SHISAL1: variants seen among roughly 807,000 people sequenced by gnomAD.
The protein encoded by SHISAL1 is protein shisa-like-1.
Under a neutral mutation model 22.6 loss-of-function variants are expected in SHISAL1, and 9 were observed. That is an observed-to-expected ratio of 0.40 (90% confidence interval 0.24 to 0.70). SHISAL1 has a LOEUF of 0.70. Among genes scored for constraint, SHISAL1 ranks in the 30% least tolerant of loss-of-function variants. SHISAL1 has a pLI of 0.39. For missense variants in SHISAL1, 246 were observed against 270.6 expected (o/e 0.91, Z 0.64); for synonymous variants, 119 against 115.4 (o/e 1.03, Z -0.20).
intron 3 of SHISAL1, among the ~76,000 whole-genome samples, chr22:44,293,518 G>A (rs1302063560): frequency 4.6e-5 from 7 of 152,184 alleles, no homozygotes; most frequent in African/African-American, 1.7e-4. Flanking sequence ...CCTGGCCCCA[G>A]ATGTCAGTGG....
At chr22:44,255,815 A>G (rs1376798476) in intron 4 of SHISAL1, among the ~76,000 whole-genome samples, 1 of 151,892 alleles carries the variant, frequency 6.6e-6, no homozygotes, top group Non-Finnish European at 1.5e-5. Context: ...TTTCATTTTC[A>G]TTCTCTCCAC....
At chr22:44,266,525 GGTAT>G (rs1555926280) in intron 4 of SHISAL1, among the ~76,000 whole-genome samples, 40 of 45,650 alleles carry the variant, frequency 8.8e-4, no homozygotes, top group African/African-American at 2.9e-3. Flanking sequence ...GGGGCTTTGG[GGTAT>G]GTGTGTGTGT....
At chr22:44,269,675 C>T in intron 4 of SHISAL1, among the ~76,000 whole-genome samples, 1 of 151,000 alleles carries the variant, frequency 6.6e-6, no homozygotes, top group Non-Finnish European at 1.5e-5. Context: ...TAGACCCACA[C>T]AATATACACA....
intron 1 of SHISAL1, among the ~76,000 whole-genome samples, chr22:44,309,895 T>C (rs545656819): frequency 6.6e-6 from 1 of 152,380 alleles, no homozygotes; most frequent in African/African-American, 2.4e-5. Context: ...CACGCCTGCA[T>C]ATGAAGTGAG....
intron 4 of SHISAL1, among the ~76,000 whole-genome samples, chr22:44,254,787 T>C (rs2055072931): frequency 7.5e-6 from 1 of 133,968 alleles, no homozygotes; most frequent in African/African-American, 3.0e-5. Flanking sequence ...GCAGGAGATA[T>C]AATATGTAGA....
chr22:44,293,053 C>G lies in SHISAL1; in HGVS notation c.281+3619G>C, dbSNP rs149147526. Among the ~76,000 whole-genome samples the G allele has an allele frequency of 9.9e-4, 151 of 152,320 alleles. 2 individuals are homozygous for G. The East Asian group carries it at 0.026, about 26-fold the overall frequency. ...CAGGGCCCCGGACCCCCTGCCTCCA[C>G]CAGCTCTTTATTCCCCGCTTCCCCT... is the stretch of plus-strand genomic sequence containing the variant. On this transcript the variant is annotated intron_variant, in intron 3 of 4. Coordinates refer to ENST00000381176, the MANE Select transcript of SHISAL1 (RefSeq NM_001099294.2).
chr22:44,325,210 T>A, the SHISAL1 span, among the ~76,000 whole-genome samples: 3 of 147,210 alleles, frequency 2.0e-5, no homozygotes, highest in African/African-American at 7.6e-5. Flanking sequence ...GCAACTGCAC[T>A]CCAGCCTGGG....
chr22:44,285,375 C>T, intron 4 of SHISAL1, 53 bp downstream of exon 4: 1 of 1,566,000 alleles, frequency 6.4e-7, no homozygotes, highest in Non-Finnish European at 8.8e-7. Flanking sequence ...ATTCTCCAAG[C>T]TCTCCAAAGA....
At chr22:44,329,113 G>A in the SHISAL1 span, among the ~76,000 whole-genome samples, 1 of 152,198 alleles carries the variant, frequency 6.6e-6, no homozygotes, top group Non-Finnish European at 1.5e-5. Context: ...CTGACCTAGG[G>A]ATGCCTCCAG....
At chr22:44,251,540 G>A (rs9614222) in intron 4 of SHISAL1, among the ~76,000 whole-genome samples, 13,162 of 152,206 alleles carry the variant, frequency 0.086, 618 homozygotes, top group East Asian at 0.12. Flanking sequence ...CCAAGGCTGG[G>A]CAACTTACAA....
chr22:44,297,510 G>A (rs1453047843), intron 2 of SHISAL1, among the ~76,000 whole-genome samples: 22 of 152,198 alleles, frequency 1.4e-4, no homozygotes, highest in Admixed American at 1.4e-3. Flanking sequence ...TCGTTCCTTG[G>A]TTTCTACTAA....
chr22:44,317,265 G>A (rs1288685894), upstream of SHISAL1, among the ~76,000 whole-genome samples: 1 of 152,228 alleles, frequency 6.6e-6, no homozygotes, highest in East Asian at 1.9e-4. Flanking sequence ...CCTCTCGAAT[G>A]GATCAGCTGC....
intron 4 of SHISAL1, among the ~76,000 whole-genome samples, chr22:44,263,079 C>CTTTCTTTTTTTTTTTT (rs55901041): frequency 1.1e-5 from 1 of 88,252 alleles, no homozygotes; most frequent in Non-Finnish European, 2.2e-5. Flanking sequence ...TTCTTTCTTT[C>CTTTCTTTTTTTTTTTT]TTTTTTTTTT....
chr22:44,245,137 C>G lies in SHISAL1; in HGVS notation c.*4548G>C, dbSNP rs2054987771. 1 of 152,232 alleles carries G rather than the reference C, an allele frequency of 6.6e-6. No individual in the cohort carries two copies. The highest frequency in any genetic ancestry group is 1.5e-5 in the Non-Finnish European group (1 of 68,060). 9.4% of individuals were successfully genotyped at this position (152,232 alleles called of 1,614,324 possible). A position where few individuals can be genotyped will look rare whatever the true frequency, so the allele number is the denominator to read the frequency against. ...GGGCCAAGCAGACACCCTCTGATGCCCACCACGTGAGCAGGATGATTAAGA... is the reference window on the plus strand; with the variant it reads ...GGGCCAAGCAGACACCCTCTGATGCGCACCACGTGAGCAGGATGATTAAGA... On this transcript the variant is annotated 3_prime_UTR_variant, in exon 5 of 5. Transcript: ENST00000381176.
At chr22:44,284,342 G>A (rs562153452) in intron 4 of SHISAL1, among the ~76,000 whole-genome samples, 3 of 152,012 alleles carry the variant, frequency 2.0e-5, no homozygotes, top group Non-Finnish European at 4.4e-5. Context: ...CACGAGGATC[G>A]GAAGGTTAAG....
chr22:44,292,007 T>A (rs1247525112), intron 3 of SHISAL1, among the ~76,000 whole-genome samples: 3 of 152,186 alleles, frequency 2.0e-5, no homozygotes, highest in African/African-American at 7.2e-5. Context: ...CATCTCGCCG[T>A]GGTAGTGGGC....
At chr22:44,302,518 G>A (rs951898285) in intron 1 of SHISAL1, among the ~76,000 whole-genome samples, 2 of 152,368 alleles carry the variant, frequency 1.3e-5, no homozygotes, top group South Asian at 4.1e-4. Flanking sequence ...GTGGTAAGGA[G>A]GGCCTCTCTG....
At chr22:44,327,774 C>T in the SHISAL1 span, among the ~76,000 whole-genome samples, 21 of 152,160 alleles carry the variant, frequency 1.4e-4, no homozygotes, top group Non-Finnish European at 3.1e-4. Context: ...GAATGGGTGT[C>T]CCCTGGTGTC....
At chr22:44,263,079 C>CTTTCTTTTTTTTTTT (rs55901041) in intron 4 of SHISAL1, among the ~76,000 whole-genome samples, 11 of 88,254 alleles carry the variant, frequency 1.2e-4, no homozygotes, top group Non-Finnish European at 2.2e-4. Flanking sequence ...TTCTTTCTTT[C>CTTTCTTTTTTTTTTT]TTTTTTTTTT....
Sources: allele counts gnomAD v4.1 joint callset (sites outside exome capture counted in the v4.1 genomes callset), GRCh38; gene constraint gnomAD v4.1.1; transcripts MANE v1.5; gene names NCBI Gene and HGNC (gene_info 2026-07-23, HGNC 2026-07-21).